GNG7: variants seen among roughly 807,000 people sequenced by gnomAD.
The protein encoded by GNG7 is G protein subunit gamma 7.
A neutral mutation model predicts 4.0 loss-of-function variants in GNG7; 1 was observed. The ratio of observed to expected loss-of-function variants is 0.25; its 90% CI spans 0.09 to 1.18. The LOEUF (loss-of-function observed/expected upper bound fraction) is 1.18. GNG7 is among the 50% of genes most tolerant of loss of function. The pLI is 0.50. For missense variants in GNG7, 86 were observed against 91.9 expected (o/e 0.94, Z 0.26); for synonymous variants, 34 against 36.9 (o/e 0.92, Z 0.29).
chr19:2,517,655 G>A (rs7249910), intron 4 of GNG7, among the ~76,000 whole-genome samples: 60,832 of 151,984 alleles, frequency 0.4, 12,313 homozygotes, highest in Non-Finnish European at 0.44. Context: ...ATGAGCCACC[G>A]TGCCTGGCCT....
intron 1 of GNG7, among the ~76,000 whole-genome samples, chr19:2,655,132 T>C (rs1328174717): frequency 6.9e-6 from 1 of 145,924 alleles, no homozygotes; most frequent in African/African-American, 2.6e-5. Context: ...GAGGCTACAG[T>C]GAGCTGAGAT....
intron 2 of GNG7, among the ~76,000 whole-genome samples, chr19:2,584,482 A>G (rs1193662014): frequency 6.6e-6 from 1 of 150,862 alleles, no homozygotes; most frequent in Non-Finnish European, 1.5e-5. Context: ...GATGTGTCCC[A>G]GCTACTTGGG....
chr19:2,524,603 C>A lies in GNG7; in HGVS notation c.-37-3878G>T, dbSNP rs371762132. Among the ~76,000 whole-genome samples, 230 of 152,330 alleles carry A rather than the reference C, an allele frequency of 1.5e-3. 1 individual carries two copies. The highest frequency in any genetic ancestry group is 5.1e-3 in the African/African-American group (212 of 41,578). On this transcript the variant is annotated intron_variant, in intron 3 of 4. Coordinates refer to ENST00000382159, the MANE Select transcript of GNG7 (RefSeq NM_052847.3). ...GCATGCATATGAGTGTGCATCCTTG[C>A]ATGTGTGTACATGTGCATGTGTCTA...
intron 2 of GNG7, among the ~76,000 whole-genome samples, chr19:2,576,292 G>A (rs1980337534): frequency 6.6e-6 from 1 of 152,248 alleles, no homozygotes; most frequent in Admixed American, 6.5e-5. Flanking sequence ...AAACAAACAT[G>A]CCGGGTTGAT....
intron 2 of GNG7, among the ~76,000 whole-genome samples, chr19:2,558,982 A>G (rs908523491): frequency 1.3e-5 from 2 of 151,756 alleles, no homozygotes; most frequent in Non-Finnish European, 2.9e-5. Flanking sequence ...TATTTTCAGT[A>G]GAGACGGGGT....
At chr19:2,637,139 T>C (rs1477682252) in intron 2 of GNG7, among the ~76,000 whole-genome samples, 6 of 150,988 alleles carry the variant, frequency 4.0e-5, no homozygotes, top group African/African-American at 1.2e-4. Flanking sequence ...GTGGGCCTCC[T>C]CTGCCCCCTC....
chr19:2,636,963 C>T (rs1198188682), intron 2 of GNG7, among the ~76,000 whole-genome samples: 4 of 151,158 alleles, frequency 2.6e-5, no homozygotes, highest in Non-Finnish European at 4.4e-5. Flanking sequence ...CCCACCTGCG[C>T]CCACCTGCAC....
intron 3 of GNG7, among the ~76,000 whole-genome samples, chr19:2,553,977 T>TG: frequency 1.8e-5 from 1 of 55,408 alleles, no homozygotes; most frequent in East Asian, 3.6e-4. Context: ...TATGTATATA[T>TG]TATATGTAAT....
intron 1 of GNG7, among the ~76,000 whole-genome samples, chr19:2,659,732 G>A (rs1207045414): frequency 6.9e-6 from 1 of 143,926 alleles, no homozygotes; most frequent in African/African-American, 2.6e-5. Context: ...AGGGGAATGA[G>A]TGTGAGCGAG....
Position 2,653,987 on chromosome 19 carries a change from C to T in GNG7, c.-134-7707G>A, listed in dbSNP as rs1599443904. Among the ~76,000 whole-genome samples, 1 of 152,212 alleles carries T rather than the reference C, an allele frequency of 6.6e-6. No individual in the cohort carries two copies. The stretch of plus-strand genomic sequence containing the variant: ...GTGCCCAGCACCCTGGGCCCCCCAC[C>T]GCCGGGTCTGGGACACAGATGCTCT... On this transcript the variant is annotated intron_variant, in intron 1 of 4. Coordinates refer to ENST00000382159, the MANE Select transcript of GNG7 (RefSeq NM_052847.3). This position sits in a 1 kb window ranked among gnomAD's most constrained non-coding sequence, Gnocchi z 4.8.
intron 2 of GNG7, chr19:2,642,298 C>G (rs1982529037): frequency 5.1e-6 from 1 of 195,526 alleles, no homozygotes; most frequent in Non-Finnish European, 1.1e-5. Context: ...CTGAGAATTG[C>G]CGTATCCTAG....
intron 1 of GNG7, among the ~76,000 whole-genome samples, chr19:2,650,391 G>A (rs564271868): frequency 3.3e-5 from 5 of 152,134 alleles, no homozygotes; most frequent in African/African-American, 1.2e-4. Context: ...GTTTCCTCAT[G>A]TTGGCCAGGC....
chr19:2,598,760 A>G (rs577879921), intron 2 of GNG7, among the ~76,000 whole-genome samples: 2 of 151,330 alleles, frequency 1.3e-5, no homozygotes, highest in African/African-American at 2.4e-5. Context: ...AGAATCAGAC[A>G]TCGGGTGCAT....
chr19:2,576,392 G>T (rs1015494093), intron 2 of GNG7, among the ~76,000 whole-genome samples: 1 of 152,200 alleles, frequency 6.6e-6, no homozygotes, highest in Admixed American at 6.5e-5. Context: ...AGAGTTCACC[G>T]TGGTCCCTGG....
At chr19:2,571,095 C>T (rs1417305735) in intron 2 of GNG7, among the ~76,000 whole-genome samples, 1 of 152,072 alleles carries the variant, frequency 6.6e-6, no homozygotes, top group Non-Finnish European at 1.5e-5. Flanking sequence ...AGCCACCGTG[C>T]CCGGCGGAGT....
chr19:2,644,382 A>ATAAAG (rs1568272569), intron 2 of GNG7, among the ~76,000 whole-genome samples: 20 of 109,106 alleles, frequency 1.8e-4, no homozygotes, highest in Middle Eastern at 4.8e-3. Flanking sequence ...TATATATATA[A>ATAAAG]TGCTCTATCT....
At chr19:2,660,298 TC>T (rs1983113032) in intron 1 of GNG7, among the ~76,000 whole-genome samples, 1 of 152,318 alleles carries the variant, frequency 6.6e-6, no homozygotes, top group East Asian at 1.9e-4. Context: ...CTGAGCCTCA[TC>T]CCTTTCCAAT....
At chr19:2,641,656 CT>C (rs371011913) in intron 2 of GNG7, among the ~76,000 whole-genome samples, 20 of 149,668 alleles carry the variant, frequency 1.3e-4, no homozygotes, top group African/African-American at 3.2e-4. Context: ...TGTTAGACTT[CT>C]TTTTTTTTTA....
At chr19:2,536,279 G>A (rs935161772) in intron 3 of GNG7, among the ~76,000 whole-genome samples, 1 of 152,046 alleles carries the variant, frequency 6.6e-6, no homozygotes, top group African/African-American at 2.4e-5. Context: ...GTAGCTGGGT[G>A]TGGTGGCGGG....
Sources: gnomAD v4.1 joint callset for allele counts (sites outside exome capture counted in the v4.1 genomes callset) on GRCh38, gnomAD v4.1.1 for gene constraint, Gnocchi (gnomAD v3.1) non-coding constraint, MANE v1.5 for transcripts, NCBI Gene and HGNC (gene_info 2026-07-23, HGNC 2026-07-21) for gene names.